CNST: variants seen among roughly 807,000 people sequenced by gnomAD.
CNST encodes consortin.
Under a neutral mutation model 72.4 loss-of-function variants are expected in CNST, and 39 were observed. That is an observed-to-expected ratio of 0.54 (90% CI 0.42 to 0.70). The LOEUF (loss-of-function observed/expected upper bound fraction) is 0.70, where lower values mean the gene tolerates loss of function less well. Among genes scored for constraint, CNST ranks in the 30% least tolerant of loss-of-function variants. The pLI, the probability that CNST is intolerant of heterozygous loss-of-function variation, is 0.00. For missense variants in CNST, 871 were observed against 868.5 expected (o/e 1.00, Z -0.04); for synonymous variants, 332 against 320.1 (o/e 1.04, Z -0.40).
At chr1:246,567,364 T>C (rs1659776534) in intron 1 of CNST, among the ~76,000 whole-genome samples, 1 of 151,902 alleles carries the variant, frequency 6.6e-6, no homozygotes, top group African/African-American at 2.4e-5. Flanking sequence ...TTTTTTTTTT[T>C]ACCTATTGGG....
intron 9 of CNST, among the ~76,000 whole-genome samples, chr1:246,650,899 A>G (rs1241703228): frequency 6.6e-6 from 1 of 152,100 alleles, no homozygotes; most frequent in Non-Finnish European, 1.5e-5. Context: ...GCTGGTCTTC[A>G]ACTCCTGGCC....
chr1:246,578,183 A>G (rs1370399626), intron 1 of CNST, among the ~76,000 whole-genome samples: 2 of 152,068 alleles, frequency 1.3e-5, no homozygotes, highest in South Asian at 4.1e-4. Flanking sequence ...GCAAGCATTC[A>G]AGCACTTGAA....
In CNST at chr1:246,665,715, G is replaced by T. The variant is rs961929906; in HGVS notation, c.1988G>T (p.Gly663Val). ...ATGTTTGCAGATGAAGTTGGAGGTG[G>T]CTCCTGTATTTTGCTGGTCTTGCTG... Reference protein sequence around the residue: ...DSLDQDEVGGGSCILLVLLCI... With the variant: ...DSLDQDEVGGVSCILLVLLCI... The change falls in exon 11 of 11, where the codon GGC becomes GTC. Residue 663 changes from glycine to valine, a missense_variant. Gly to Val is a moderately radical substitution (Grantham distance 109). Coordinates refer to ENST00000366513, the MANE Select transcript of CNST (RefSeq NM_152609.3). The T allele has an allele frequency of 6.2e-7, 1 of 1,612,980 alleles. No homozygotes were observed. Among genetic ancestry groups the T allele is most frequent in the South Asian group, 1.1e-5 (1 of 91,014 alleles).
intron 1 of CNST, among the ~76,000 whole-genome samples, chr1:246,583,005 G>A (rs188631518): frequency 1.1e-4 from 16 of 152,326 alleles, no homozygotes; most frequent in Non-Finnish European, 1.6e-4. Context: ...GCCCGTTAGC[G>A]TGATGAGCAG....
At chr1:246,632,069 C>T in intron 4 of CNST, 145 bp downstream of exon 4, 1 of 539,298 alleles carries the variant, frequency 1.9e-6, no homozygotes. Context: ...ACCCGTGTAA[C>T]CACCTCAGAA....
rs764485066 is a variant in CNST at position 246,621,639 on chromosome 1, T to G, written c.585+5T>G. On this transcript the variant is annotated splice_donor_5th_base_variant and intron_variant, in intron 3 of 10. Coordinates refer to ENST00000366513, the MANE Select transcript of CNST (RefSeq NM_152609.3). Reference sequence around the variant, plus strand: ...CTTCCCCTTTGCCTTCATCAGGTACTCTGGTAAACCCTTCACTTTCAGCCT... The same window carrying G: ...CTTCCCCTTTGCCTTCATCAGGTACGCTGGTAAACCCTTCACTTTCAGCCT... 6.2e-7 allele frequency: 1 copy of G among 1,609,338 alleles called. No individual in the cohort carries two copies. Among genetic ancestry groups the G allele is most frequent in the South Asian group, 1.1e-5 (1 of 90,956 alleles).
At chr1:246,587,585 C>CA (rs1415330728) in intron 1 of CNST, among the ~76,000 whole-genome samples, 2 of 152,100 alleles carry the variant, frequency 1.3e-5, no homozygotes, top group African/African-American at 4.8e-5. Context: ...TATTTAAAAC[C>CA]AAATAAGCAC....
At chr1:246,640,488 T>A (rs540664181) in intron 6 of CNST, among the ~76,000 whole-genome samples, 115 of 152,144 alleles carry the variant, frequency 7.6e-4, no homozygotes, top group East Asian at 3.7e-3. Context: ...CTTACTTTTT[T>A]AAAAAAAATT....
chr1:246,593,398 C>T (rs751804724), intron 2 of CNST, among the ~76,000 whole-genome samples: 1 of 151,706 alleles, frequency 6.6e-6, no homozygotes, highest in Non-Finnish European at 1.5e-5. Flanking sequence ...TCTCAGCTCA[C>T]TGCAACCTCC....
At chr1:246,639,058 G>A (rs186353494) in intron 6 of CNST, among the ~76,000 whole-genome samples, 125 of 152,260 alleles carry the variant, frequency 8.2e-4, no homozygotes, top group Non-Finnish European at 1.2e-3. Context: ...GACAGCAGCT[G>A]CCACCAGTGC....
intron 2 of CNST, 105 bp downstream of exon 2, chr1:246,592,046 G>A (rs1661578634): frequency 3.3e-6 from 3 of 897,812 alleles, no homozygotes; most frequent in Admixed American, 2.9e-5. Flanking sequence ...CTTTGCTTAC[G>A]ATATTCTGGA....
intron 10 of CNST, among the ~76,000 whole-genome samples, chr1:246,661,408 A>G (rs1667097690): frequency 6.6e-6 from 1 of 152,184 alleles, no homozygotes; most frequent in Admixed American, 6.5e-5. Flanking sequence ...ATGAGCCACC[A>G]TGCCCGGCTT....
intron 1 of CNST, among the ~76,000 whole-genome samples, chr1:246,577,209 C>T (rs768670493): frequency 2.0e-5 from 3 of 151,980 alleles, no homozygotes; most frequent in African/African-American, 7.3e-5. Context: ...AGAACTGATA[C>T]TTCTCATGAA....
intron 4 of CNST, among the ~76,000 whole-genome samples, chr1:246,633,636 G>C (rs1177591672): frequency 6.6e-6 from 1 of 150,666 alleles, no homozygotes; most frequent in Non-Finnish European, 1.5e-5. Context: ...TCAGCTACCT[G>C]GGAGGCTGAG....
At chr1:246,614,967 A>G (rs1283826263) in intron 2 of CNST, among the ~76,000 whole-genome samples, 1 of 152,206 alleles carries the variant, frequency 6.6e-6, no homozygotes, top group Non-Finnish European at 1.5e-5. Context: ...GTCAGGGTAC[A>G]TTCCTAGTGT....
chr1:246,584,470 G>T (rs1472191889), intron 1 of CNST, among the ~76,000 whole-genome samples: 2 of 152,130 alleles, frequency 1.3e-5, no homozygotes, highest in South Asian at 4.1e-4. Context: ...TGTCGAGATA[G>T]ACTGAAGAAA....
intron 1 of CNST, among the ~76,000 whole-genome samples, chr1:246,576,430 T>G (rs1660435683): frequency 6.7e-6 from 1 of 149,004 alleles, no homozygotes. Flanking sequence ...TTGCATGTCA[T>G]AATTCGTAAA....
At chr1:246,594,021 T>C (rs1661718050) in intron 2 of CNST, among the ~76,000 whole-genome samples, 2 of 152,214 alleles carry the variant, frequency 1.3e-5, no homozygotes, top group African/African-American at 4.8e-5. Context: ...TCCTCCTGCC[T>C]AGGCCTCCCA....
intron 3 of CNST, among the ~76,000 whole-genome samples, chr1:246,626,185 G>A (rs1313748951): frequency 6.6e-6 from 1 of 151,886 alleles, no homozygotes; most frequent in East Asian, 1.9e-4. Flanking sequence ...AAGTGGCTGG[G>A]ACTGCAGGCG....
Sources: gnomAD v4.1 joint callset for allele counts (sites outside exome capture counted in the v4.1 genomes callset) on GRCh38, gnomAD v4.1.1 for gene constraint, MANE v1.5 for transcripts, NCBI Gene and HGNC (gene_info 2026-07-23, HGNC 2026-07-21) for gene names.